The following VPS39 variants were observed in gnomAD, a reference collection of about 807,000 sequenced individuals.
The protein encoded by VPS39 is vam6/Vps39-like protein.
A neutral mutation model predicts 121.0 loss-of-function variants in VPS39; 70 were observed. The observed-to-expected ratio is 0.58, with a 90% CI of 0.48 to 0.71. VPS39 has a LOEUF of 0.71. Ranked by LOEUF, VPS39 falls within the 30% of genes least tolerant of loss-of-function variation. VPS39 has a pLI of 0.00. For synonymous variants in VPS39, 378 were observed against 398.1 expected, an observed-to-expected ratio of 0.95 and a Z score of 0.60; for missense variants, 818 against 1,051.5, an observed-to-expected ratio of 0.78 and a Z score of 3.07.
intron 10 of VPS39, among the ~76,000 whole-genome samples, chr15:42,175,397 ACT>A (rs1247522186): frequency 1.4e-5 from 2 of 146,998 alleles, no homozygotes; most frequent in African/African-American, 2.5e-5. Context: ...ATAGAGGAAG[ACT>A]CTGTCTCGGG....
intron 16 of VPS39, 145 bp from the exon 17 acceptor site, chr15:42,165,961 G>A: frequency 1.1e-6 from 1 of 918,630 alleles, no homozygotes; most frequent in Non-Finnish European, 1.7e-6. Context: ...CATGTCAGAC[G>A]AGGCACAGGC....
At position 42,169,767 on chromosome 15, in the gene VPS39, T is replaced by G. The variant is rs756224834; in HGVS notation, c.1190A>C (p.Glu397Ala). ...PNPLPVLSGA[E>A]LEKAHLALID... ...CAGAGCTAAGTGAGCCTTCTCCAAT[T>G]CAGCCCCGGAGAGCACAGGCAATGG... The change falls in exon 12 of 25, where the codon GAA becomes GCA. Residue 397 changes from glutamate (E) to alanine (A), a missense_variant. By Grantham distance (107) the Glu-to-Ala change is moderately radical. Transcript: ENST00000318006. 6.2e-7 allele frequency: 1 copy of G among 1,614,122 alleles called. No homozygotes were observed. Among genetic ancestry groups the G allele is most frequent in the Non-Finnish European group, 8.5e-7 (1 of 1,180,038 alleles).
chr15:42,172,764 C>T (rs1022827180), intron 11 of VPS39, among the ~76,000 whole-genome samples: 1 of 152,168 alleles, frequency 6.6e-6, no homozygotes. Flanking sequence ...ATTCCCCAGC[C>T]TAATCTCCCA....
Position 42,160,769 on chromosome 15 carries a change from G to T in VPS39, c.2613C>A (p.Asn871Lys). The T allele has an allele frequency of 1.2e-6, 2 of 1,614,150 alleles. No homozygotes were observed. The highest frequency in any genetic ancestry group is 1.7e-6 in the Non-Finnish European group (2 of 1,179,996). Reference sequence around the variant, plus strand: ...GATGCTGGGCTCAAGTGTCAGCTGGGTTTACCTCTTTGGAACAGAAGTAAT... The same window carrying T: ...GATGCTGGGCTCAAGTGTCAGCTGGTTTTACCTCTTTGGAACAGAAGTAAT... Reference protein sequence around the residue: ...VVHYFCSKEVNPADT With the variant: ...VVHYFCSKEVKPADT The change falls in exon 25 of 25, where the codon AAC becomes AAA. Residue 871 changes from asparagine (N) to lysine (K), a missense_variant. Physicochemically the swap from Asn to Lys is moderately conservative, Grantham distance 94. Coordinates refer to ENST00000318006, the MANE Select transcript of VPS39 (RefSeq NM_015289.5).
At chr15:42,185,543 A>G (rs1429526929) in intron 7 of VPS39, among the ~76,000 whole-genome samples, 1 of 152,214 alleles carries the variant, frequency 6.6e-6, no homozygotes, top group African/African-American at 2.4e-5. Context: ...ATAGACTACT[A>G]TTCAGCCATG....
intron 1 of VPS39, among the ~76,000 whole-genome samples, chr15:42,201,981 C>A (rs2050077591): frequency 6.6e-6 from 1 of 151,910 alleles, no homozygotes; most frequent in African/African-American, 2.4e-5. Context: ...GTCCTTTTTT[C>A]AAATCCCCAT....
intron 1 of VPS39, among the ~76,000 whole-genome samples, chr15:42,201,018 C>T (rs775158262): frequency 6.6e-6 from 1 of 152,056 alleles, no homozygotes; most frequent in African/African-American, 2.4e-5. Context: ...GAAAGATTAG[C>T]GGTTGCCCAG....
chr15:42,190,357 C>A (rs2049801315), intron 4 of VPS39, among the ~76,000 whole-genome samples: 1 of 152,166 alleles, frequency 6.6e-6, no homozygotes, highest in Non-Finnish European at 1.5e-5. Flanking sequence ...AGATGTTTAT[C>A]TGTGGACCCA....
chr15:42,199,976 C>CAAAACA lies in VPS39; in HGVS notation c.74-21_74-16dup, dbSNP rs368235975. On this transcript the variant is annotated splice_polypyrimidine_tract_variant and intron_variant, in intron 1 of 24. Coordinates refer to ENST00000318006, the MANE Select transcript of VPS39 (RefSeq NM_015289.5). ...AAGCCATTCCTCTGGAAAAACAAAACAAAACAAAAACAAAAACAAAAAAAA... is the reference window on the plus strand; with the variant it reads ...AAGCCATTCCTCTGGAAAAACAAAACAAAACAAAAACAAAAACAAAAACAAAAAAAA... 9.8e-6 allele frequency: 15 copies of CAAAACA among 1,525,720 alleles called. No individual in the cohort carries two copies. The highest frequency in any genetic ancestry group is 6.7e-5 in the South Asian group (5 of 75,094). The allele number at this position is 1,525,720 out of a possible 1,614,324, so 94.5% of individuals were successfully genotyped here.
At position 42,208,143 on chromosome 15, in the gene VPS39, G is replaced by C; in HGVS notation, c.11C>G (p.Ala4Gly). ...TTCTAGGATCGGCACTGGCTCGAAAGCGTCGTGCATGGCGGCAAGGGGAGA... is the reference window on the plus strand; with the variant it reads ...TTCTAGGATCGGCACTGGCTCGAAACCGTCGTGCATGGCGGCAAGGGGAGA... MHD[A>G]FEPVPILEKL... The change falls in exon 1 of 25, where the codon GCT becomes GGT. Residue 4 changes from alanine to glycine, a missense_variant. Coordinates refer to ENST00000318006, the MANE Select transcript of VPS39 (RefSeq NM_015289.5). 3 of 1,574,362 alleles carry C rather than the reference G, an allele frequency of 1.9e-6. No homozygotes were observed. Among genetic ancestry groups the C allele is most frequent in the Non-Finnish European group, 2.6e-6 (3 of 1,159,982 alleles).
intron 2 of VPS39, among the ~76,000 whole-genome samples, chr15:42,195,367 G>A (rs2049915072): frequency 1.3e-5 from 2 of 152,100 alleles, no homozygotes; most frequent in Non-Finnish European, 1.5e-5. Context: ...TTGAGCCCAG[G>A]AATTCAAGTC....
chr15:42,191,302 T>C, intron 3 of VPS39, 135 bp from the exon 4 acceptor site: 1 of 1,198,386 alleles, frequency 8.3e-7, no homozygotes, highest in Non-Finnish European at 1.2e-6. Context: ...TTCTGGGCAC[T>C]ATAATTTCTG....
intron 2 of VPS39, among the ~76,000 whole-genome samples, chr15:42,198,770 T>C (rs559632464): frequency 1.3e-5 from 2 of 152,360 alleles, no homozygotes; most frequent in East Asian, 3.9e-4. Context: ...CATTACATAT[T>C]GCCTACAGCT....
intron 1 of VPS39, among the ~76,000 whole-genome samples, chr15:42,202,571 TCATAA>T (rs1370740262): frequency 1.3e-5 from 2 of 152,172 alleles, no homozygotes; most frequent in African/African-American, 2.4e-5. Context: ...AAAAATCCAC[TCATAA>T]CATACATAAA....
intron 2 of VPS39, among the ~76,000 whole-genome samples, chr15:42,192,449 C>T (rs1355622015): frequency 1.3e-5 from 2 of 152,176 alleles, no homozygotes; most frequent in South Asian, 2.1e-4. Flanking sequence ...TCTGAACCCA[C>T]GCCCTGCTAC....
At position 42,160,610 on chromosome 15, in the gene VPS39, A is replaced by T. The variant is rs1033063319; in HGVS notation, c.*144T>A. 6.9e-6 allele frequency: 5 copies of T among 722,482 alleles called. No homozygotes were observed. Among genetic ancestry groups the T allele is most frequent in the Non-Finnish European group, 1.2e-5 (5 of 405,512 alleles). The allele number at this position is 722,482 out of a possible 1,614,324, so 44.8% of individuals were successfully genotyped here. ...CAGACCATGAGTCTAATTAATTCAG[A>T]GTTGTTCCAGGGCACAAGATAGCCA... On this transcript the variant is annotated 3_prime_UTR_variant, in exon 25 of 25. Coordinates refer to ENST00000318006, the MANE Select transcript of VPS39 (RefSeq NM_015289.5).
chr15:42,163,551 GCC>G (rs2049181609), intron 20 of VPS39, 73 bp downstream of exon 20: 8 of 1,517,462 alleles, frequency 5.3e-6, no homozygotes, highest in Non-Finnish European at 6.4e-6. Flanking sequence ...TGGGGAGATG[GCC>G]TTCTTAACTC....
In VPS39 at chr15:42,162,346, G is replaced by C. The variant is rs1189636613; in HGVS notation, c.2311C>G (p.Leu771Val). 1 of 1,611,708 alleles carries C rather than the reference G, an allele frequency of 6.2e-7. No individual in the cohort carries two copies. The highest frequency in any genetic ancestry group is 8.5e-7 in the Non-Finnish European group (1 of 1,178,582). The stretch of plus-strand genomic sequence containing the variant: ...CAACTCCTGACCTTGGTGGTGTCCA[G>C]TTTGCTGTGGTGTAGCTCGAGGACC... ...LQVLELHHSK[L>V]DTTKALNLLP... is the part of the protein sequence containing the mutation. Residue 771 changes from leucine (L) to valine (V), a missense_variant, in exon 22 of 25, where the codon CTG becomes GTG. Leu to Val is a conservative substitution (Grantham distance 32). Transcript: ENST00000318006.
At chr15:42,200,972 T>C (rs2140890744) in intron 1 of VPS39, among the ~76,000 whole-genome samples, 1 of 152,334 alleles carries the variant, frequency 6.6e-6, no homozygotes, top group East Asian at 1.9e-4. Flanking sequence ...ATTCCATTTA[T>C]ATGAAATGTC....
Sources: allele counts gnomAD v4.1 joint callset (sites outside exome capture counted in the v4.1 genomes callset), GRCh38; gene constraint gnomAD v4.1.1; transcripts MANE v1.5; gene names NCBI Gene and HGNC (gene_info 2026-07-23, HGNC 2026-07-21).